The following TDRD9 variants were observed in gnomAD, a reference collection of about 807,000 sequenced individuals.
The protein encoded by TDRD9 is ATP-dependent RNA helicase TDRD9.
TDRD9 carries 124 observed loss-of-function variants against 172.6 expected under a neutral mutation model. The observed-to-expected ratio is 0.72, with a 90% CI of 0.62 to 0.83. The LOEUF (loss-of-function observed/expected upper bound fraction) is 0.83, where lower values mean the gene tolerates loss of function less well. TDRD9 is among the 40% of genes least tolerant of loss of function. The pLI, the probability that TDRD9 is intolerant of heterozygous loss-of-function variation, is 0.00. For missense variants in TDRD9, 1,479 were observed against 1,714.1 expected, an observed-to-expected ratio of 0.86 and a Z score of 2.42; for synonymous variants, 619 against 617.1, an observed-to-expected ratio of 1.00 and a Z score of -0.05.
chr14:104,031,697 C>G (rs1372963006), intron 29 of TDRD9, among the ~76,000 whole-genome samples: 2 of 151,894 alleles, frequency 1.3e-5, no homozygotes, highest in Admixed American at 1.3e-4. Context: ...GGTCTCAGGT[C>G]TACCTGTGCA....
intron 7 of TDRD9, 117 bp from the exon 8 acceptor site, chr14:103,986,100 T>C (rs1359116154): frequency 8.0e-6 from 6 of 745,908 alleles, no homozygotes; most frequent in Admixed American, 2.7e-5. Flanking sequence ...CCAAGAACTT[T>C]TATTTAGAGA....
At chr14:103,995,294 C>G (rs1054214145) in intron 11 of TDRD9, among the ~76,000 whole-genome samples, 3 of 152,168 alleles carry the variant, frequency 2.0e-5, no homozygotes, top group Non-Finnish European at 4.4e-5. Context: ...TAACAAGACC[C>G]TTCTAGAGCT....
intron 1 of TDRD9, among the ~76,000 whole-genome samples, chr14:103,939,609 C>T (rs569547761): frequency 2.3e-5 from 3 of 130,434 alleles, no homozygotes; most frequent in Non-Finnish European, 4.7e-5. Context: ...GGATTTAAGA[C>T]CAAATAGAGG....
chr14:103,929,016 G>A (rs576149454), intron 1 of TDRD9: 5 of 171,154 alleles, frequency 2.9e-5, no homozygotes, highest in South Asian at 2.0e-4. Flanking sequence ...GGAGGGCAGA[G>A]GTCCCATAGG....
chr14:104,027,094 T>G (rs1026123834), intron 28 of TDRD9, among the ~76,000 whole-genome samples, 155 bp downstream of exon 28: 4 of 152,246 alleles, frequency 2.6e-5, no homozygotes, highest in African/African-American at 7.2e-5. Flanking sequence ...TGGCACCAAT[T>G]TAAATGTCTT....
intron 2 of TDRD9, among the ~76,000 whole-genome samples, chr14:103,956,009 C>A (rs2032174546): frequency 7.3e-6 from 1 of 137,508 alleles, no homozygotes; most frequent in African/African-American, 2.8e-5. Flanking sequence ...ACTCGGGAGG[C>A]TGAGGTGAGA....
chr14:104,040,613 G>A (rs1487055366), intron 33 of TDRD9, among the ~76,000 whole-genome samples: 2 of 152,208 alleles, frequency 1.3e-5, no homozygotes, highest in African/African-American at 4.8e-5. Context: ...TGGGCAATCA[G>A]CTAAACCACG....
Position 104,008,417 on chromosome 14 carries a change from A to AATATAAAATATTTATAT in TDRD9, c.2058_2059insTATAAAATATTTATATA (p.Leu687TyrfsTer12). 1 of 1,532,222 alleles carries AATATAAAATATTTATAT rather than the reference A, an allele frequency of 6.5e-7. No homozygotes were observed. Among genetic ancestry groups the AATATAAAATATTTATAT allele is most frequent in the East Asian group, 2.3e-5 (1 of 44,290 alleles). 94.9% of individuals were successfully genotyped at this position (1,532,222 alleles called of 1,614,324 possible). ...TCTGCTTTTATATATTTAAAGGATG[A>AATATAAAATATTTATAT]ACTTAATTGGGGACGGTTAAATTAC... On this transcript the variant is annotated frameshift_variant, in exon 20 of 36. Transcript: ENST00000409874. LOFTEE classifies it high-confidence loss of function.
Position 104,018,160 on chromosome 14 carries a change from T to G in TDRD9, c.2400T>G (p.Gly800=). ...TACAGTCTCTCTTTAGACAGTGTGG[T>G]CAAGTCAAATCCATTGTATTTGATG... ...KQLQSLFRQC[G]QVKSIVFDGA... is the part of the protein sequence containing the mutation. The change falls in exon 23 of 36, where the codon GGT becomes GGG. Residue 800 remains glycine (G), a synonymous_variant. Coordinates refer to ENST00000409874, the MANE Select transcript of TDRD9 (RefSeq NM_153046.3). 1 of 1,605,364 alleles carries G rather than the reference T, an allele frequency of 6.2e-7. No individual in the cohort carries two copies. The highest frequency in any genetic ancestry group is 8.5e-7 in the Non-Finnish European group (1 of 1,173,886).
At chr14:104,016,285 C>T (rs1457114076) in intron 22 of TDRD9, among the ~76,000 whole-genome samples, 197 bp downstream of exon 22, 3 of 152,146 alleles carry the variant, frequency 2.0e-5, no homozygotes, top group Non-Finnish European at 4.4e-5. Flanking sequence ...TCTCTTGCCT[C>T]CTTTTACAGA....
At chr14:103,952,181 C>CGT (rs34670145) in intron 1 of TDRD9, among the ~76,000 whole-genome samples, 3,082 of 47,184 alleles carry the variant, frequency 0.065, 198 homozygotes, top group East Asian at 0.14. Context: ...TATGTGTGTG[C>CGT]GTGTGTGTGT....
intron 2 of TDRD9, among the ~76,000 whole-genome samples, chr14:103,959,491 T>C (rs1439841581): frequency 1.3e-5 from 2 of 148,350 alleles, no homozygotes; most frequent in African/African-American, 2.5e-5. Context: ...TATGTATACA[T>C]ACACACACAC....
intron 1 of TDRD9, among the ~76,000 whole-genome samples, chr14:103,930,692 C>A (rs2030326688): frequency 6.6e-6 from 1 of 152,168 alleles, no homozygotes; most frequent in East Asian, 1.9e-4. Context: ...TATGTTTGCA[C>A]ACTTTACTTC....
At chr14:104,027,241 G>C (rs994348349) in intron 28 of TDRD9, among the ~76,000 whole-genome samples, 3 of 151,552 alleles carry the variant, frequency 2.0e-5, no homozygotes, top group Non-Finnish European at 4.4e-5. Flanking sequence ...GTAGAGATAG[G>C]GTCTCCCTGT....
chr14:104,015,338 G>A (rs1410986275), intron 21 of TDRD9, among the ~76,000 whole-genome samples: 1 of 152,148 alleles, frequency 6.6e-6, no homozygotes, highest in Admixed American at 6.5e-5. Context: ...TCTGCTGTAG[G>A]GTTTCCTAGA....
intron 30 of TDRD9, among the ~76,000 whole-genome samples, chr14:104,033,602 T>G (rs902494465): frequency 6.6e-6 from 1 of 152,108 alleles, no homozygotes; most frequent in African/African-American, 2.4e-5. Context: ...CTCAGTTCCC[T>G]CTGCCAGGAT....
intron 19 of TDRD9, among the ~76,000 whole-genome samples, chr14:104,007,484 GGT>G (rs1385756623): frequency 6.6e-6 from 1 of 152,184 alleles, no homozygotes; most frequent in Non-Finnish European, 1.5e-5. Flanking sequence ...ATCTTGCCAT[GGT>G]GTCTGCAGCC....
intron 5 of TDRD9, 100 bp downstream of exon 5, chr14:103,966,931 T>G: frequency 8.9e-7 from 1 of 1,123,034 alleles, no homozygotes; most frequent in East Asian, 2.9e-5. Flanking sequence ...CAGCTTTCTT[T>G]ATTTTTTCCT....
chr14:104,018,855 TC>T (rs1325175698), intron 23 of TDRD9, among the ~76,000 whole-genome samples: 1 of 152,246 alleles, frequency 6.6e-6, no homozygotes, highest in Non-Finnish European at 1.5e-5. Context: ...AAACACTTTT[TC>T]TTTAATGTCC....
Sources: allele counts gnomAD v4.1 joint callset (sites outside exome capture counted in the v4.1 genomes callset), GRCh38; gene constraint gnomAD v4.1.1; transcripts MANE v1.5; gene names NCBI Gene and HGNC (gene_info 2026-07-23, HGNC 2026-07-21).